The following RYR1 variants were observed in gnomAD, a reference collection of about 807,000 sequenced individuals.
RYR1 encodes ryanodine receptor 1, also known as central core disease of muscle.
Under a neutral mutation model 583.5 loss-of-function variants are expected in RYR1, and 342 were observed. That is an observed-to-expected ratio of 0.59 (90% confidence interval 0.54 to 0.64). The LOEUF (loss-of-function observed/expected upper bound fraction) is 0.64. Ranked by LOEUF, RYR1 falls within the 30% of genes least tolerant of loss-of-function variation. The probability of loss-of-function intolerance (pLI) is 0.00; values close to 1 mark genes in which losing one functional copy is unlikely to be tolerated. For synonymous variants in RYR1, 2,791 were observed against 2,822.5 expected (o/e 0.99, Z 0.35); for missense variants, 6,032 against 6,917.2 (o/e 0.87, Z 4.54).
chr19:38,523,905 G>A lies in RYR1; in HGVS notation c.10441-10G>A, dbSNP rs200939091. On this transcript the variant is annotated splice_polypyrimidine_tract_variant and intron_variant, in intron 69 of 105. Coordinates refer to ENST00000359596, the MANE Select transcript of RYR1 (RefSeq NM_000540.3). Reference sequence around the variant, plus strand: ...CCCTTCTTGTCTCTGTCTGCGGTCCGGTGAAGCAGGCGGGAGATATACAGG... The same window carrying A: ...CCCTTCTTGTCTCTGTCTGCGGTCCAGTGAAGCAGGCGGGAGATATACAGG... 8.1e-5 allele frequency: 130 copies of A among 1,613,968 alleles called. 1 individual carries two copies. The East Asian group carries it at 2.3e-3, about 29-fold the overall frequency.
chr19:38,522,424 A>AT (rs1018668514), intron 67 of RYR1, among the ~76,000 whole-genome samples: 7 of 151,922 alleles, frequency 4.6e-5, no homozygotes, highest in African/African-American at 1.5e-4. Flanking sequence ...CAACCTAGGG[A>AT]GACCCTCTTC....
intron 33 of RYR1, among the ~76,000 whole-genome samples, chr19:38,485,068 C>A (rs1017076188): frequency 1.3e-5 from 2 of 152,166 alleles, no homozygotes; most frequent in Non-Finnish European, 2.9e-5. Context: ...ACAAAACAGG[C>A]AGAAATGTCC....
At chr19:38,515,901 A>G (rs1970945568) in intron 64 of RYR1, among the ~76,000 whole-genome samples, 186 bp from the exon 65 acceptor site, 1 of 152,180 alleles carries the variant, frequency 6.6e-6, no homozygotes, top group South Asian at 2.1e-4. Flanking sequence ...AGATCAGGCC[A>G]CTGCACTGCA....
chr19:38,544,113 T>G (rs906861216), intron 87 of RYR1, among the ~76,000 whole-genome samples: 2 of 152,164 alleles, frequency 1.3e-5, no homozygotes, highest in African/African-American at 4.8e-5. Flanking sequence ...CTTCCATTGG[T>G]CTGACGTGTT....
At chr19:38,464,020 T>C (rs1810484985) in intron 22 of RYR1, among the ~76,000 whole-genome samples, 170 bp downstream of exon 22, 1 of 151,734 alleles carries the variant, frequency 6.6e-6, no homozygotes, top group South Asian at 2.1e-4. Context: ...CTCACACCTG[T>C]AATCCTAGCA....
chr19:38,547,061 C>T (rs1269897003), intron 88 of RYR1, among the ~76,000 whole-genome samples: 3 of 147,422 alleles, frequency 2.0e-5, no homozygotes, highest in Non-Finnish European at 4.5e-5. Flanking sequence ...TTTTCTGAGA[C>T]GGAGTCTCGC....
chr19:38,507,540 G>A (rs1173225137), intron 57 of RYR1, among the ~76,000 whole-genome samples, 172 bp from the exon 58 acceptor site: 1 of 151,846 alleles, frequency 6.6e-6, no homozygotes, highest in African/African-American at 2.4e-5. Context: ...GGGCCAGAGA[G>A]GGGAGAAGGC....
chr19:38,469,276 A>C (rs1600719656), intron 26 of RYR1, 29 bp from the exon 27 acceptor site: 1 of 1,610,118 alleles, frequency 6.2e-7, no homozygotes, highest in Non-Finnish European at 8.5e-7. Context: ...ACCTGCCCTC[A>C]CCCCTGCCCA....
chr19:38,483,433 G>A lies in RYR1; in HGVS notation c.4851G>A (p.Arg1617=). The part of the protein sequence containing the change: ...MPNHFLQVET[R]RAGERLGWAV... ...ACCACTTCCTGCAGGTGGAGACGAG[G>A]CGTGCCGGCGAGCGGCTGGGCTGGG... is the stretch of plus-strand genomic sequence containing the variant. Residue 1617 remains arginine, a synonymous_variant, in exon 33 of 106, where the codon AGG becomes AGA. Transcript: ENST00000359596. The surrounding 1 kb of genome is among the most constrained non-coding windows in gnomAD (Gnocchi z 6.3). The A allele has an allele frequency of 6.3e-7, 1 of 1,576,640 alleles. No homozygotes were observed. The highest frequency in any genetic ancestry group is 8.6e-7 in the Non-Finnish European group (1 of 1,163,426).
intron 11 of RYR1, among the ~76,000 whole-genome samples, chr19:38,451,273 C>T (rs529147427): frequency 2.0e-5 from 3 of 152,320 alleles, no homozygotes; most frequent in South Asian, 2.1e-4. Flanking sequence ...TGTTTACAGC[C>T]GCAGACTGGA....
chr19:38,433,901 TG>T, intron 1 of RYR1, 27 bp downstream of exon 1: 1 of 1,603,440 alleles, frequency 6.2e-7, no homozygotes, highest in Admixed American at 1.7e-5. Flanking sequence ...TAGGGGCCTG[TG>T]GGGCTATCTC....
At chr19:38,525,554 A>G in intron 71 of RYR1, 52 bp downstream of exon 71, 1 of 1,587,324 alleles carries the variant, frequency 6.3e-7, no homozygotes, top group Non-Finnish European at 8.6e-7. Context: ...CCCAGCACCC[A>G]CTGAACCCCT....
chr19:38,554,902 T>C (rs746419325), intron 89 of RYR1, among the ~76,000 whole-genome samples: 12 of 152,344 alleles, frequency 7.9e-5, no homozygotes, highest in Middle Eastern at 6.8e-3. Flanking sequence ...GTGTCTTTAC[T>C]GAAATAGAAT....
intron 27 of RYR1, among the ~76,000 whole-genome samples, chr19:38,471,142 A>C (rs1002562806): frequency 6.6e-6 from 1 of 152,250 alleles, no homozygotes; most frequent in Non-Finnish European, 1.5e-5. Context: ...CTCAGTTGGG[A>C]AATTGGTTAC....
chr19:38,496,394 C>T lies in RYR1; in HGVS notation c.6664-15C>T. ...AGCCACAGAGGGCAGGCCCTGACCA[C>T]CCTGCCTGTCCCAGGAGATCCGCTT... On this transcript the variant is annotated splice_polypyrimidine_tract_variant and intron_variant, in intron 40 of 105. Coordinates refer to ENST00000359596, the MANE Select transcript of RYR1 (RefSeq NM_000540.3). The surrounding 1 kb of genome is among the most constrained non-coding windows in gnomAD (Gnocchi z 4.8). 1 of 1,613,830 alleles carries T rather than the reference C, an allele frequency of 6.2e-7. No individual in the cohort carries two copies. The highest frequency in any genetic ancestry group is 1.7e-5 in the Admixed American group (1 of 60,030).
At position 38,485,948 on chromosome 19, in the gene RYR1, G is replaced by A; in HGVS notation, c.5293G>A (p.Val1765Ile). ...TCACCCCCGGCATGGCCTGCCGGGA[G>A]TTGGAGTCACCACTTCGCTGAGGCC... ...NGHPRHGLPG[V>I]GVTTSLRPPH... Residue 1765 changes from valine (V) to isoleucine (I), a missense_variant, in exon 34 of 106, where the codon GTT becomes ATT. This residue lies in a region of RYR1 where 2,627 missense variants were observed against 2,961.3 expected (regional missense o/e 0.89). Transcript: ENST00000359596. 1.2e-6 allele frequency: 2 copies of A among 1,613,738 alleles called. No individual in the cohort carries two copies. The highest frequency in any genetic ancestry group is 8.5e-7 in the Non-Finnish European group (1 of 1,179,988).
chr19:38,528,873 C>A, intron 75 of RYR1, 78 bp from the exon 76 acceptor site: 1 of 1,541,456 alleles, frequency 6.5e-7, no homozygotes, highest in East Asian at 2.3e-5. Flanking sequence ...AAAAAAAATC[C>A]AGACCAACAG....
rs1218373877 is a variant in RYR1, at chr19:38,567,857, G to A, written c.13599G>A (p.Lys4533=). ...KKQAPPSPPP[K]KEEAGGEFWG... ...AAGCACCTCCCTCACCCCCTCCAAAGAAGGAGGAAGCTGGAGGCGAATTCT... is the reference window on the plus strand; with the variant it reads ...AAGCACCTCCCTCACCCCCTCCAAAAAAGGAGGAAGCTGGAGGCGAATTCT... Residue 4533 remains lysine (K), a synonymous_variant, in exon 93 of 106, where the codon AAG becomes AAA. Coordinates refer to ENST00000359596, the MANE Select transcript of RYR1 (RefSeq NM_000540.3). 2 of 1,613,944 alleles carry A rather than the reference G, an allele frequency of 1.2e-6. No individual in the cohort carries two copies. Among genetic ancestry groups the A allele is most frequent in the Non-Finnish European group, 1.7e-6 (2 of 1,180,018 alleles).
chr19:38,456,274 A>ATTTTTTTT lies in RYR1; in HGVS notation c.1791+535_1791+542dup, dbSNP rs769713059. Among the ~76,000 whole-genome samples the ATTTTTTTT allele has an allele frequency of 1.9e-5, 2 of 106,668 alleles. 1 individual carries two copies. 70.0% of individuals were successfully genotyped at this position (106,668 alleles called of 152,430 possible). ...CAGGCGTGAACCACCAGCGCCTGGC[A>ATTTTTTTT]TTTTTTTTTTTTTTTTTTTGATACA... On this transcript the variant is annotated intron_variant, in intron 16 of 105. Transcript: ENST00000359596.
Sources: allele counts gnomAD v4.1 joint callset (sites outside exome capture counted in the v4.1 genomes callset), GRCh38; gene constraint gnomAD v4.1.1; regional missense constraint gnomAD v4.1.1; non-coding constraint Gnocchi (gnomAD v3.1); transcripts MANE v1.5; gene names NCBI Gene and HGNC (gene_info 2026-07-23, HGNC 2026-07-21).